The following CFAP47 variants were observed in gnomAD, a reference collection of about 807,000 sequenced individuals.
CFAP47 encodes cilia and flagella associated protein 47, also known as cilia- and flagella-associated protein 47.
In CFAP47, 29 loss-of-function variants were observed where a neutral mutation model predicts 148.1. The observed-to-expected ratio is 0.20, with a 90% CI of 0.15 to 0.27. CFAP47 has a LOEUF of 0.27. Ranked by LOEUF, CFAP47 falls within the 10% of genes least tolerant of loss-of-function variation. The probability of loss-of-function intolerance (pLI) is 1.00; values close to 1 mark genes in which losing one functional copy is unlikely to be tolerated. For synonymous variants in CFAP47, 664 were observed against 577.3 expected (o/e 1.15, Z -2.15); for missense variants, 1,872 against 1,697.5 (o/e 1.10, Z -1.81).
At chrX:36,233,280 T>G (rs1463323013) in intron 46 of CFAP47, among the ~76,000 whole-genome samples, 2 of 111,833 alleles carry the variant, frequency 1.8e-5, no homozygotes, top group Non-Finnish European at 3.8e-5. Flanking sequence ...CAGGACTGGC[T>G]TTATGAATCT....
chrX:36,243,327 T>A (rs1940569331), intron 48 of CFAP47, among the ~76,000 whole-genome samples: 1 of 109,965 alleles, frequency 9.1e-6, no homozygotes, highest in Non-Finnish European at 1.9e-5. Flanking sequence ...AAATTTCACA[T>A]ATCAGTACTG....
At chrX:36,017,962 G>A (rs1937115523) in intron 22 of CFAP47, among the ~76,000 whole-genome samples, 1 of 110,841 alleles carries the variant, frequency 9.0e-6, no homozygotes, top group African/African-American at 3.3e-5. Context: ...GGGTAATATG[G>A]ATATTTTTAC....
chrX:35,971,681 A>G lies in CFAP47; in HGVS notation c.2066A>G (p.Glu689Gly). ...PSLSEAEIEE[E>G]LSSAANSIRA... is the part of the protein sequence containing the mutation. ...CTCTCAGAAGCGGAAATAGAAGAGG[A>G]GCTGTCTTCAGCAGCAAATTCAATT... The change falls in exon 12 of 64, where the codon GAG becomes GGG. Residue 689 changes from glutamate to glycine, a missense_variant. Glu to Gly is a moderately conservative substitution (Grantham distance 98). Transcript: ENST00000378653. 1 of 1,207,744 alleles carries G rather than the reference A, an allele frequency of 8.3e-7. No homozygotes were observed. Among genetic ancestry groups the G allele is most frequent in the Non-Finnish European group, 1.1e-6 (1 of 892,123 alleles).
At chrX:36,167,392 G>A (rs1939505116) in intron 39 of CFAP47, among the ~76,000 whole-genome samples, 1 of 111,470 alleles carries the variant, frequency 9.0e-6, no homozygotes. Flanking sequence ...CATTTTAGGA[G>A]CTGAGTGCTA....
chrX:36,176,839 G>C (rs1023839204), intron 39 of CFAP47, among the ~76,000 whole-genome samples: 3 of 112,437 alleles, frequency 2.7e-5, no homozygotes, highest in Non-Finnish European at 5.6e-5. Context: ...TGGAGGCTGA[G>C]GTTGCAGTGA....
At chrX:36,199,730 G>A (rs1939957063) in intron 42 of CFAP47, among the ~76,000 whole-genome samples, 1 of 111,292 alleles carries the variant, frequency 9.0e-6, no homozygotes, top group South Asian at 3.7e-4. Flanking sequence ...GGCATTTTAT[G>A]GCTACTTGGC....
intron 49 of CFAP47, among the ~76,000 whole-genome samples, chrX:36,275,609 G>A (rs1222392576): frequency 1.8e-5 from 2 of 110,687 alleles, no homozygotes; most frequent in Non-Finnish European, 3.8e-5. Context: ...TTTTGTTGAG[G>A]ATTTCTGCAT....
intron 48 of CFAP47, among the ~76,000 whole-genome samples, chrX:36,243,647 G>A (rs868924116): frequency 1.6e-5 from 1 of 64,250 alleles, no homozygotes; most frequent in Non-Finnish European, 3.4e-5. Flanking sequence ...ATATGTGTGT[G>A]TATATATATA....
chrX:36,321,132 G>C (rs1023083783), intron 57 of CFAP47, among the ~76,000 whole-genome samples: 7 of 111,896 alleles, frequency 6.3e-5, no homozygotes, highest in South Asian at 3.7e-4. Flanking sequence ...TAACCTAAGT[G>C]TCCATCAACA....
Position 35,992,843 on chromosome X carries a change from C to A in CFAP47, c.2968-347C>A, listed in dbSNP as rs1217780215. 5.4e-5 allele frequency among the ~76,000 whole-genome samples: 6 copies of A among 110,845 alleles called. No homozygotes were observed. In the East Asian group the frequency reaches 1.7e-3, roughly 31 times the overall value. On this transcript the variant is annotated intron_variant, in intron 17 of 63. Coordinates refer to ENST00000378653, the MANE Select transcript of CFAP47 (RefSeq NM_001304548.2). ...TTGAGTTTTTAGGATCAGGGAAAGACAGACTCTCAAAAGTAGTATCTAGAA... is the reference window on the plus strand; with the variant it reads ...TTGAGTTTTTAGGATCAGGGAAAGAAAGACTCTCAAAAGTAGTATCTAGAA...
At chrX:36,267,825 G>A in intron 49 of CFAP47, among the ~76,000 whole-genome samples, 1 of 112,186 alleles carries the variant, frequency 8.9e-6, no homozygotes, top group Non-Finnish European at 1.9e-5. Context: ...TTAAAAGCAA[G>A]ACCTTGAGGC....
At position 35,975,952 on chromosome X, in the gene CFAP47, TTTCATGTA is replaced by T. The variant is rs777620503; in HGVS notation, c.2713+51_2713+58del. On this transcript the variant is annotated intron_variant, in intron 15 of 63. Transcript: ENST00000378653. ...GTTTGTTTGATTTAGACATTTATTTTTTCATGTATTCATGTATTCTGGTATTAATTATT... is the reference window on the plus strand; with the variant it reads ...GTTTGTTTGATTTAGACATTTATTTTTTCATGTATTCTGGTATTAATTATT... The T allele has an allele frequency of 1.0e-5, 12 of 1,170,077 alleles. No individual in the cohort carries two copies. The South Asian group carries it at 1.8e-4, about 18-fold the overall frequency.
chrX:36,329,501 C>G (rs947276422), intron 57 of CFAP47, among the ~76,000 whole-genome samples: 51 of 111,711 alleles, frequency 4.6e-4, no homozygotes, highest in Non-Finnish European at 8.3e-4. Context: ...AATGAAAGAA[C>G]AGCAGTGGAA....
At chrX:36,318,138 A>G (rs1210734541) in intron 56 of CFAP47, among the ~76,000 whole-genome samples, 9 of 112,046 alleles carry the variant, frequency 8.0e-5, no homozygotes, top group Non-Finnish European at 1.7e-4. Flanking sequence ...ATCTATACAC[A>G]ATGATCTCAA....
intron 39 of CFAP47, among the ~76,000 whole-genome samples, chrX:36,164,444 A>G (rs976646321): frequency 2.7e-5 from 3 of 111,280 alleles, no homozygotes; most frequent in Non-Finnish European, 5.7e-5. Context: ...TTTTGTTTCA[A>G]ATTCTATCAT....
At chrX:36,000,029 T>C (rs1262006808) in intron 19 of CFAP47, among the ~76,000 whole-genome samples, 2 of 110,784 alleles carry the variant, frequency 1.8e-5, no homozygotes, top group Non-Finnish European at 3.8e-5. Flanking sequence ...AAATGAAAAG[T>C]GATGATTTAC....
chrX:36,234,506 T>A (rs1555993618), intron 46 of CFAP47, among the ~76,000 whole-genome samples: 1 of 111,783 alleles, frequency 8.9e-6, no homozygotes, highest in African/African-American at 3.3e-5. Flanking sequence ...TTTTCTAGTT[T>A]TACATTCGTT....
chrX:36,055,662 T>C (rs1220306431), intron 26 of CFAP47, among the ~76,000 whole-genome samples: 3 of 112,439 alleles, frequency 2.7e-5, no homozygotes, highest in African/African-American at 9.7e-5. Context: ...AACAGAATGA[T>C]TTATATTCCT....
chrX:35,993,272 A>G lies in CFAP47; in HGVS notation c.3050A>G (p.Asn1017Ser). The change falls in exon 18 of 64, where the codon AAT becomes AGT. Residue 1017 changes from asparagine to serine, a missense_variant. Asn to Ser is a conservative substitution (Grantham distance 46). Transcript: ENST00000378653. ...CCATTTGGGGGAATAACTGTTCTCA[A>G]TATCTCCTGTAAACCCACTGTGGCA... Reference protein sequence around the residue: ...IVPFGGITVLNISCKPTVAEK... With the variant: ...IVPFGGITVLSISCKPTVAEK... 3.4e-6 allele frequency: 1 copy of G among 296,664 alleles called. No homozygotes were observed. Among genetic ancestry groups the G allele is most frequent in the Non-Finnish European group, 5.9e-6 (1 of 169,628 alleles). 24.4% of individuals were successfully genotyped at this position (296,664 alleles called of 1,213,427 possible).
Sources: gnomAD v4.1 joint callset for allele counts (sites outside exome capture counted in the v4.1 genomes callset) on GRCh38, gnomAD v4.1.1 for gene constraint, MANE v1.5 for transcripts, NCBI Gene and HGNC (gene_info 2026-07-23, HGNC 2026-07-21) for gene names.